Variants in ABCA12 observed in about 807,000 individuals in gnomAD.
ABCA12 encodes the protein ATP binding cassette subfamily A member 12.
Under a neutral mutation model 293.5 loss-of-function variants are expected in ABCA12, and 156 were observed. The observed-to-expected ratio is 0.53, with a 90% CI of 0.47 to 0.61. ABCA12 has a LOEUF of 0.61. ABCA12 is among the 20% of genes least tolerant of loss of function. The probability of loss-of-function intolerance (pLI) is 0.00; values close to 1 mark genes in which losing one functional copy is unlikely to be tolerated. For synonymous variants in ABCA12, 1,063 were observed against 1,108.0 expected, an observed-to-expected ratio of 0.96 and a Z score of 0.81; for missense variants, 2,797 against 3,090.2, an observed-to-expected ratio of 0.91 and a Z score of 2.25.
intron 24 of ABCA12, 80 bp downstream of exon 24, chr2:214,990,622 A>G: frequency 7.0e-7 from 1 of 1,419,150 alleles, no homozygotes; most frequent in Non-Finnish European, 9.9e-7. Context: ...GTGAACTTTC[A>G]GTCTGAGAAT....
At chr2:214,956,474 A>G (rs1698951325) in intron 42 of ABCA12, among the ~76,000 whole-genome samples, 189 bp downstream of exon 42, 1 of 142,162 alleles carries the variant, frequency 7.0e-6, no homozygotes, top group Non-Finnish European at 1.6e-5. Context: ...ATTAATAACA[A>G]CATTAATTTT....
At chr2:214,989,206 A>ATATATATATATATATATATATATG (rs1699858243) in intron 26 of ABCA12, 123 bp downstream of exon 26, 2 of 161,262 alleles carry the variant, frequency 1.2e-5, no homozygotes, top group Admixed American at 7.4e-5. Flanking sequence ...ATATATATAT[A>ATATATATATATATATATATATATG]TATAATATTT....
chr2:215,090,896 T>G (rs983310014), intron 2 of ABCA12, among the ~76,000 whole-genome samples: 1 of 152,182 alleles, frequency 6.6e-6, no homozygotes, highest in African/African-American at 2.4e-5. Context: ...AACTCTCACC[T>G]GACCTAAAAC....
Position 215,026,957 on chromosome 2 carries a change from A to G in ABCA12, c.1062-19T>C, listed in dbSNP as rs1348846106. ...TAGGAGCCTGCAGAATTAGAAAAGA[A>G]TATAGAAATTAAGACATATAAAAGT... is the stretch of plus-strand genomic sequence containing the variant. On this transcript the variant is annotated intron_variant, in intron 9 of 52. Coordinates refer to ENST00000272895, the MANE Select transcript of ABCA12 (RefSeq NM_173076.3). 2.0e-6 allele frequency: 3 copies of G among 1,508,304 alleles called. No individual in the cohort carries two copies. The highest frequency in any genetic ancestry group is 2.3e-5 in the East Asian group (1 of 44,306). 93.4% of individuals were successfully genotyped at this position (1,508,304 alleles called of 1,614,324 possible).
intron 2 of ABCA12, among the ~76,000 whole-genome samples, chr2:215,099,850 G>A (rs1399433341): frequency 6.6e-6 from 1 of 152,014 alleles, no homozygotes. Context: ...CAATTAGGGT[G>A]GAAAACTTAA....
rs1442102337 is a variant in ABCA12 at position 215,019,432 on chromosome 2, G to A, written c.1561C>T (p.Leu521=). ...LNMDQFLEQA[L]QMNYLENITQ... ...ATATTTTCCAAGTAATTCATTTGCA[G>A]TGCCTGTTCTAGAAACCTGGAACAA... Residue 521 remains leucine, a synonymous_variant, in exon 13 of 53, where the codon CTG becomes TTG. Transcript: ENST00000272895. The A allele has an allele frequency of 4.3e-6, 7 of 1,613,940 alleles. No individual in the cohort carries two copies. The South Asian group carries it at 5.5e-5, about 13-fold the overall frequency.
At position 215,102,530 on chromosome 2, in the gene ABCA12, C is replaced by T. The variant is rs186488829; in HGVS notation, c.163+9067G>A. On this transcript the variant is annotated intron_variant, in intron 2 of 52. Transcript: ENST00000272895. ...AGGAGAATTGCTTGAACCCAGGAGG[C>T]GGAGGTTGTGGTGAGCTGAGATTGC... 2.7e-3 allele frequency among the ~76,000 whole-genome samples: 416 copies of T among 152,238 alleles called. 6 individuals are homozygous for T. The highest frequency in any genetic ancestry group is 9.5e-3 in the African/African-American group (396 of 41,550).
chr2:215,013,099 G>A (rs903639146), intron 15 of ABCA12: 6 of 152,098 alleles, frequency 3.9e-5, no homozygotes, highest in African/African-American at 1.4e-4. Flanking sequence ...ACTGGGTGAG[G>A]TGATGGCTAT....
At chr2:214,960,437 AT>A (rs758978400) in intron 39 of ABCA12, 67 of 152,076 alleles carry the variant, frequency 4.4e-4, no homozygotes, top group Non-Finnish European at 8.5e-4. Context: ...TTGCAAATAC[AT>A]TTTACTCCAC....
intron 1 of ABCA12, among the ~76,000 whole-genome samples, chr2:215,132,389 G>A (rs958145855): frequency 2.6e-5 from 4 of 151,850 alleles, no homozygotes; most frequent in South Asian, 4.1e-4. Flanking sequence ...CCTAGGTCTA[G>A]TAGTATTTAT....
chr2:215,021,545 T>C (rs928807445), intron 11 of ABCA12, among the ~76,000 whole-genome samples: 8 of 152,204 alleles, frequency 5.3e-5, no homozygotes, highest in African/African-American at 1.7e-4. Context: ...GAAAATTCTA[T>C]TGTGCTTGGA....
At chr2:214,993,263 A>T (rs1358488319) in intron 23 of ABCA12, among the ~76,000 whole-genome samples, 1 of 152,204 alleles carries the variant, frequency 6.6e-6, no homozygotes, top group Non-Finnish European at 1.5e-5. Context: ...TTTGTAGTAA[A>T]GACTCAACCT....
intron 44 of ABCA12, among the ~76,000 whole-genome samples, chr2:214,952,217 TTG>T (rs1358328507): frequency 0.037 from 4,327 of 117,726 alleles, 176 homozygotes; most frequent in African/African-American, 0.13. Context: ...TGCCTTTTTT[TTG>T]TTGTTTTTTT....
At chr2:215,042,743 A>G (rs941946416) in intron 7 of ABCA12, among the ~76,000 whole-genome samples, 13 of 152,312 alleles carry the variant, frequency 8.5e-5, no homozygotes, top group East Asian at 7.7e-4. Flanking sequence ...TGAAATATAC[A>G]ATGGATTACT....
Position 214,983,666 on chromosome 2 carries a change from G to C in ABCA12, c.4363C>G (p.Leu1455Val). ...IKVPHWTKKQ[L>V]HEEVKRTLKD... ...ACTTGCCTTTTTACTTCCTCGTGGAGCTGCTTTTTAGTCCAGTGAGGAACT... is the reference window on the plus strand; with the variant it reads ...ACTTGCCTTTTTACTTCCTCGTGGACCTGCTTTTTAGTCCAGTGAGGAACT... The change falls in exon 29 of 53, where the codon CTC (leucine) becomes GTC (valine). Residue 1455 changes from leucine to valine, a missense_variant. Leu to Val is a conservative substitution (Grantham distance 32, BLOSUM62 1). This residue lies in a region of ABCA12 where 2,130 missense variants were observed against 2,427.0 expected (regional missense o/e 0.88). Transcript: ENST00000272895. 6.2e-7 allele frequency: 1 copy of C among 1,614,048 alleles called. No individual in the cohort carries two copies. Among genetic ancestry groups the C allele is most frequent in the African/African-American group, 1.3e-5 (1 of 75,006 alleles).
intron 9 of ABCA12, among the ~76,000 whole-genome samples, chr2:215,029,813 T>C (rs1159474844): frequency 6.6e-6 from 1 of 152,200 alleles, no homozygotes; most frequent in Non-Finnish European, 1.5e-5. Context: ...CCATAAAAGG[T>C]AAGTGTCTGG....
chr2:215,097,933 C>G (rs754990272), intron 2 of ABCA12, among the ~76,000 whole-genome samples: 1 of 152,098 alleles, frequency 6.6e-6, no homozygotes, highest in Non-Finnish European at 1.5e-5. Context: ...AAGAATGTAA[C>G]CTGCATAACA....
chr2:214,978,593 G>T, intron 32 of ABCA12, 127 bp from the exon 33 acceptor site: 1 of 1,246,054 alleles, frequency 8.0e-7, no homozygotes, highest in Non-Finnish European at 1.1e-6. Flanking sequence ...CTGACTTCAA[G>T]TGAATATTTC....
At chr2:215,026,998 T>C in intron 9 of ABCA12, 60 bp from the exon 10 acceptor site, 1 of 1,255,076 alleles carries the variant, frequency 8.0e-7, no homozygotes, top group Admixed American at 1.7e-5. Flanking sequence ...AAAGCCGTTT[T>C]GTTGAGATCA....
Sources: allele counts gnomAD v4.1 joint callset (sites outside exome capture counted in the v4.1 genomes callset), GRCh38; gene constraint gnomAD v4.1.1; regional missense constraint gnomAD v4.1.1; transcripts MANE v1.5; gene names NCBI Gene and HGNC (gene_info 2026-07-23, HGNC 2026-07-21).